Variants in OSBPL10 observed in about 807,000 individuals in gnomAD.
OSBPL10 encodes oxysterol-binding protein-related protein 10.
Under a neutral mutation model 81.7 loss-of-function variants are expected in OSBPL10, and 49 were observed. The ratio of observed to expected loss-of-function variants is 0.60; its 90% CI spans 0.48 to 0.76. The LOEUF (loss-of-function observed/expected upper bound fraction) is 0.76, where lower values mean the gene tolerates loss of function less well. Among genes scored for constraint, OSBPL10 ranks in the 30% least tolerant of loss-of-function variants. OSBPL10 has a pLI of 0.00. For synonymous variants in OSBPL10, 419 were observed against 383.6 expected, an observed-to-expected ratio of 1.09 and a Z score of -1.08; for missense variants, 923 against 987.8, an observed-to-expected ratio of 0.93 and a Z score of 0.88.
intron 1 of OSBPL10, among the ~76,000 whole-genome samples, chr3:31,978,287 G>A (rs1393404487): frequency 6.6e-6 from 1 of 152,190 alleles, no homozygotes; most frequent in African/African-American, 2.4e-5. Context: ...CAGAAAGAAA[G>A]GCAGCAGGAA....
At chr3:31,924,458 A>G (rs1559520049) in intron 1 of OSBPL10, among the ~76,000 whole-genome samples, 2 of 152,108 alleles carry the variant, frequency 1.3e-5, no homozygotes, top group Non-Finnish European at 1.5e-5. Context: ...GGAAGACAGA[A>G]AAGCCAAGTT....
intron 1 of OSBPL10, among the ~76,000 whole-genome samples, chr3:31,964,017 C>A (rs924342652): frequency 3.9e-5 from 6 of 152,014 alleles, no homozygotes; most frequent in African/African-American, 1.5e-4. Context: ...AAAGCACATC[C>A]AAACCAAGAG....
chr3:31,808,342 G>A (rs1361792392), intron 4 of OSBPL10, among the ~76,000 whole-genome samples: 1 of 152,208 alleles, frequency 6.6e-6, no homozygotes, highest in Non-Finnish European at 1.5e-5. Context: ...CTGACACTGA[G>A]GTCTTGTCAG....
At chr3:31,848,673 A>G (rs1411540385) in intron 3 of OSBPL10, among the ~76,000 whole-genome samples, 1 of 152,194 alleles carries the variant, frequency 6.6e-6, no homozygotes, top group African/African-American at 2.4e-5. Context: ...CCTCCTGCTC[A>G]GGTTTAAGGA....
intron 9 of OSBPL10, among the ~76,000 whole-genome samples, chr3:31,670,159 T>A (rs1371488184): frequency 1.3e-5 from 2 of 152,178 alleles, no homozygotes; most frequent in African/African-American, 4.8e-5. Flanking sequence ...CCTGTGACAC[T>A]CTGATACACT....
At chr3:31,937,842 T>A (rs1057163239) in intron 1 of OSBPL10, among the ~76,000 whole-genome samples, 8 of 152,178 alleles carry the variant, frequency 5.3e-5, no homozygotes, top group Admixed American at 5.2e-4. Flanking sequence ...TGTCTCTCAA[T>A]CATTCTATCT....
At chr3:31,956,722 C>T (rs932751034) in intron 1 of OSBPL10, among the ~76,000 whole-genome samples, 1 of 150,750 alleles carries the variant, frequency 6.6e-6, no homozygotes, top group African/African-American at 2.4e-5. Flanking sequence ...GAGCGAAACT[C>T]CGTCTCAAAA....
chr3:31,838,662 T>C (rs1326924701), intron 3 of OSBPL10, among the ~76,000 whole-genome samples: 1 of 151,766 alleles, frequency 6.6e-6, no homozygotes, highest in East Asian at 1.9e-4. Flanking sequence ...TCAACTGAGG[T>C]CCAAAAAAGT....
At chr3:31,771,968 A>T (rs1335059050) in intron 4 of OSBPL10, among the ~76,000 whole-genome samples, 1 of 152,210 alleles carries the variant, frequency 6.6e-6, no homozygotes. Context: ...AAACATGTTC[A>T]TTTAAGAAAC....
intron 1 of OSBPL10, among the ~76,000 whole-genome samples, chr3:31,936,502 T>C (rs1697382823): frequency 1.3e-5 from 2 of 152,234 alleles, no homozygotes; most frequent in South Asian, 4.1e-4. Flanking sequence ...ACATTTATCA[T>C]ATCCAGTTCC....
intron 1 of OSBPL10, among the ~76,000 whole-genome samples, chr3:32,046,983 A>G (rs1212937376): frequency 1.3e-5 from 2 of 152,192 alleles, no homozygotes; most frequent in African/African-American, 2.4e-5. Flanking sequence ...GTAAGTCCAT[A>G]GAGTCTAGTG....
At chr3:31,836,395 C>G (rs1472240446) in intron 3 of OSBPL10, among the ~76,000 whole-genome samples, 2 of 152,166 alleles carry the variant, frequency 1.3e-5, no homozygotes, top group African/African-American at 4.8e-5. Flanking sequence ...TGAGTATGCA[C>G]GCAAATGCCA....
chr3:31,709,565 C>T (rs905911199), intron 6 of OSBPL10, among the ~76,000 whole-genome samples: 15 of 151,942 alleles, frequency 9.9e-5, no homozygotes, highest in African/African-American at 3.4e-4. Flanking sequence ...CAGAGTCCTG[C>T]TATTTTTAAA....
chr3:31,722,767 C>T (rs1010174816), intron 6 of OSBPL10, among the ~76,000 whole-genome samples: 7 of 152,122 alleles, frequency 4.6e-5, no homozygotes, highest in South Asian at 2.1e-4. Flanking sequence ...AAAAAATAAC[C>T]GTCATTCCTG....
At chr3:31,694,054 G>A (rs1695636670) in intron 7 of OSBPL10, among the ~76,000 whole-genome samples, 1 of 152,156 alleles carries the variant, frequency 6.6e-6, no homozygotes, top group South Asian at 2.1e-4. Context: ...ACGGATGTAA[G>A]CCACCTGTCT....
intron 3 of OSBPL10, among the ~76,000 whole-genome samples, chr3:31,845,200 T>C (rs1255716449): frequency 1.3e-5 from 2 of 152,182 alleles, no homozygotes; most frequent in Admixed American, 1.3e-4. Context: ...ATTCTAACAC[T>C]TTCTGCCTGC....
chr3:32,025,783 A>G (rs1352462458), intron 2 of OSBPL10, among the ~76,000 whole-genome samples: 1 of 152,062 alleles, frequency 6.6e-6, no homozygotes, highest in East Asian at 1.9e-4. Flanking sequence ...CTTACAATTC[A>G]TTTTACTTCT....
At chr3:31,793,118 T>C (rs1009456400) in intron 4 of OSBPL10, among the ~76,000 whole-genome samples, 2 of 152,184 alleles carry the variant, frequency 1.3e-5, no homozygotes, top group African/African-American at 4.8e-5. Flanking sequence ...CAGCCTTTTA[T>C]ATTCACGAAC....
intron 1 of OSBPL10, among the ~76,000 whole-genome samples, chr3:31,923,568 T>C (rs745504207): frequency 1.3e-5 from 2 of 152,242 alleles, no homozygotes; most frequent in Admixed American, 1.3e-4. Flanking sequence ...GGTGGGAGGA[T>C]CACTTGAGCC....
Sources: allele counts gnomAD v4.1 joint callset (sites outside exome capture counted in the v4.1 genomes callset), GRCh38; gene constraint gnomAD v4.1.1; transcripts MANE v1.5; gene names NCBI Gene and HGNC (gene_info 2026-07-23, HGNC 2026-07-21).